Variants in CAST observed in about 807,000 individuals in gnomAD.
The protein encoded by CAST is MIR583 host.
Under a neutral mutation model 119.6 loss-of-function variants are expected in CAST, and 76 were observed. The observed-to-expected ratio is 0.64, with a 90% CI of 0.53 to 0.77. CAST has a LOEUF of 0.77. CAST is among the 30% of genes least tolerant of loss of function. The probability of loss-of-function intolerance (pLI) is 0.00; values close to 1 mark genes in which losing one functional copy is unlikely to be tolerated. For missense variants in CAST, 953 were observed against 946.5 expected (o/e 1.01, Z -0.09); for synonymous variants, 319 against 331.6 (o/e 0.96, Z 0.41).
At chr5:96,393,501 G>C in the CAST span, 1 of 1,173,954 alleles carries the variant, frequency 8.5e-7, no homozygotes, top group Non-Finnish European at 1.2e-6. Flanking sequence ...GGAGGGGAGA[G>C]AGTTCAAGAC....
chr5:96,713,053 C>G (rs189993453), intron 3 of CAST, among the ~76,000 whole-genome samples: 9 of 152,048 alleles, frequency 5.9e-5, no homozygotes, highest in Middle Eastern at 3.4e-3. Flanking sequence ...GCTCTCTGTT[C>G]AGTTTACACC....
At chr5:96,746,784 T>C (rs941866027) in intron 17 of CAST, among the ~76,000 whole-genome samples, 1 of 152,232 alleles carries the variant, frequency 6.6e-6, no homozygotes, top group Non-Finnish European at 1.5e-5. Context: ...GGGGTAGATA[T>C]GAATGCACGA....
chr5:96,170,863 T>C, the CAST span, among the ~76,000 whole-genome samples: 1 of 152,170 alleles, frequency 6.6e-6, no homozygotes, highest in Non-Finnish European at 1.5e-5. Context: ...AACGAAACTG[T>C]AAGCCAGACT....
At chr5:95,993,875 A>G in the CAST span, among the ~76,000 whole-genome samples, 3 of 152,154 alleles carry the variant, frequency 2.0e-5, no homozygotes, top group African/African-American at 7.2e-5. Flanking sequence ...GGTACTCAAC[A>G]TCACTAGTTA....
the CAST span, among the ~76,000 whole-genome samples, chr5:96,071,815 A>C: frequency 6.6e-6 from 1 of 152,156 alleles, no homozygotes; most frequent in Non-Finnish European, 1.5e-5. Context: ...CAGTGCTATG[A>C]CTGGGACTTA....
intron 1 of CAST, among the ~76,000 whole-genome samples, chr5:96,610,292 T>A (rs894510513): frequency 2.6e-5 from 4 of 152,178 alleles, no homozygotes; most frequent in Non-Finnish European, 4.4e-5. Flanking sequence ...CATAAGCCAA[T>A]TAAACCTCTT....
At chr5:96,220,334 G>A in the CAST span, among the ~76,000 whole-genome samples, 1 of 152,040 alleles carries the variant, frequency 6.6e-6, no homozygotes, top group African/African-American at 2.4e-5. Context: ...AATCTCAGAT[G>A]GTAAAAGACA....
At chr5:96,627,474 C>G (rs1045993778) in intron 1 of CAST, among the ~76,000 whole-genome samples, 2 of 152,146 alleles carry the variant, frequency 1.3e-5, no homozygotes, top group African/African-American at 4.8e-5. Context: ...TTTTCTCTCT[C>G]AAATACCATT....
chr5:96,017,428 G>T, the CAST span, among the ~76,000 whole-genome samples: 2 of 152,026 alleles, frequency 1.3e-5, no homozygotes, highest in African/African-American at 2.4e-5. Context: ...CATCAATTAG[G>T]CTCAAAATAA....
chr5:96,393,922 C>T, the CAST span, among the ~76,000 whole-genome samples: 2 of 152,272 alleles, frequency 1.3e-5, no homozygotes, highest in East Asian at 3.9e-4. Flanking sequence ...AGAAGCCAAC[C>T]TTGGCCAACT....
chr5:96,583,288 T>C (rs1164682464), intron 1 of CAST, among the ~76,000 whole-genome samples: 1 of 152,074 alleles, frequency 6.6e-6, no homozygotes, highest in African/African-American at 2.4e-5. Flanking sequence ...ATTGAATCTT[T>C]GGTAATAAGG....
chr5:96,186,072 T>A, the CAST span, among the ~76,000 whole-genome samples: 1 of 152,152 alleles, frequency 6.6e-6, no homozygotes, highest in East Asian at 1.9e-4. Context: ...TCACTTCCCA[T>A]GTTAGCTGTA....
At chr5:96,747,507 C>G (rs1471375936) in intron 18 of CAST, 115 bp downstream of exon 18, 1 of 636,494 alleles carries the variant, frequency 1.6e-6, no homozygotes, top group African/African-American at 1.9e-5. Context: ...TAACCTAGTA[C>G]AGAGGAAAGG....
chr5:96,309,674 C>T, the CAST span, among the ~76,000 whole-genome samples: 1 of 152,192 alleles, frequency 6.6e-6, no homozygotes, highest in East Asian at 1.9e-4. Flanking sequence ...CCTCCCAGTA[C>T]AGTCTCTCAC....
chr5:96,091,018 G>A, the CAST span, among the ~76,000 whole-genome samples: 1 of 151,992 alleles, frequency 6.6e-6, no homozygotes, highest in Admixed American at 6.6e-5. Context: ...TTGGTGAGGA[G>A]AGAGATGCCT....
At chr5:96,238,215 T>A in the CAST span, among the ~76,000 whole-genome samples, 7 of 152,116 alleles carry the variant, frequency 4.6e-5, no homozygotes, top group South Asian at 1.0e-3. Context: ...TACATATTTT[T>A]AAAAAATGAC....
the CAST span, among the ~76,000 whole-genome samples, chr5:96,002,157 T>C: frequency 6.6e-6 from 1 of 152,258 alleles, no homozygotes. Context: ...AGTGTACTTA[T>C]ATGAGCTTTA....
At chr5:96,413,843 G>A in the CAST span, among the ~76,000 whole-genome samples, 1 of 149,224 alleles carries the variant, frequency 6.7e-6, no homozygotes, top group African/African-American at 2.5e-5. Context: ...AAATCGGCCA[G>A]GTGCGGTGGC....
At chr5:96,419,995 C>A in the CAST span, among the ~76,000 whole-genome samples, 27 of 152,042 alleles carry the variant, frequency 1.8e-4, no homozygotes, top group African/African-American at 5.5e-4. Context: ...CTGGAAGGAC[C>A]GTATACTGCC....
Sources: allele counts gnomAD v4.1 joint callset (sites outside exome capture counted in the v4.1 genomes callset), GRCh38; gene constraint gnomAD v4.1.1; transcripts MANE v1.5; gene names NCBI Gene and HGNC (gene_info 2026-07-23, HGNC 2026-07-21).